OSBPL1A: variants seen among roughly 807,000 people sequenced by gnomAD.
OSBPL1A encodes the protein oxysterol-binding protein-related protein 1.
OSBPL1A carries 80 observed loss-of-function variants against 137.1 expected under a neutral mutation model. The ratio of observed to expected loss-of-function variants is 0.58; its 90% CI spans 0.49 to 0.70. The LOEUF (loss-of-function observed/expected upper bound fraction) is 0.70, where lower values mean the gene tolerates loss of function less well. OSBPL1A is among the 30% of genes least tolerant of loss of function. The pLI is 0.00. For missense variants in OSBPL1A, 970 were observed against 1,129.4 expected (o/e 0.86, Z 2.02); for synonymous variants, 365 against 389.7 (o/e 0.94, Z 0.75).
intron 5 of OSBPL1A, among the ~76,000 whole-genome samples, chr18:24,337,155 A>G (rs114384036): frequency 0.01 from 1,532 of 152,256 alleles, 25 homozygotes; most frequent in African/African-American, 0.035. Context: ...AACCAAAATC[A>G]AGGGCCATTC....
chr18:24,353,924 G>C (rs1203460728), intron 4 of OSBPL1A, among the ~76,000 whole-genome samples: 1 of 120,660 alleles, frequency 8.3e-6, no homozygotes, highest in South Asian at 3.5e-4. Context: ...GTTGTGGGGT[G>C]GGGGGAGGGG....
chr18:24,233,663 C>G (rs1332789142), intron 16 of OSBPL1A, among the ~76,000 whole-genome samples: 2 of 151,930 alleles, frequency 1.3e-5, no homozygotes, highest in Non-Finnish European at 2.9e-5. Context: ...CTCTTTCTTT[C>G]TTTCAGACAG....
chr18:24,310,548 G>A lies in OSBPL1A; in HGVS notation c.1092+1436C>T, dbSNP rs1599648607. Among the ~76,000 whole-genome samples, 6 of 144,562 alleles carry A rather than the reference G, an allele frequency of 4.2e-5. 1 individual carries two copies. In the South Asian group the frequency reaches 1.3e-3, roughly 31 times the overall value. The allele number at this position is 144,562 out of a possible 152,430, so 94.8% of individuals were successfully genotyped here. On this transcript the variant is annotated intron_variant, in intron 13 of 27. Transcript: ENST00000319481. ...ACCCTGGAGGTGGAACTTGCAGTGA[G>A]CCGAGATCGCGCCACTGAACTCCAG... is the stretch of plus-strand genomic sequence containing the variant.
In OSBPL1A at chr18:24,314,109, A is replaced by G. The variant is rs999763059; in HGVS notation, c.969+140T>C. The G allele has an allele frequency of 5.6e-6, 3 of 531,378 alleles. No individual in the cohort carries two copies. In the African/African-American group the frequency reaches 5.8e-5, roughly 10 times the overall value. The allele number at this position is 531,378 out of a possible 1,614,324, so 32.9% of individuals were successfully genotyped here. On this transcript the variant is annotated intron_variant, in intron 12 of 27. Transcript: ENST00000319481. ...TACAGAGTGAGACTCTGTCTCAAAA[A>G]CATAAATAAATAAAAATTTAAAAAA...
At chr18:24,268,074 C>A (rs2089627028) in intron 15 of OSBPL1A, among the ~76,000 whole-genome samples, 1 of 152,132 alleles carries the variant, frequency 6.6e-6, no homozygotes, top group South Asian at 2.1e-4. Flanking sequence ...CCTTTGCATG[C>A]TGCAATCTGG....
At chr18:24,340,678 T>C (rs2091260251) in intron 5 of OSBPL1A, among the ~76,000 whole-genome samples, 1 of 152,128 alleles carries the variant, frequency 6.6e-6, no homozygotes, top group Non-Finnish European at 1.5e-5. Flanking sequence ...TGATGGTACA[T>C]GCCTGTAATC....
chr18:24,339,857 G>A (rs962510864), intron 5 of OSBPL1A, among the ~76,000 whole-genome samples: 19 of 152,320 alleles, frequency 1.2e-4, no homozygotes, highest in African/African-American at 4.1e-4. Flanking sequence ...CTGACCTTAA[G>A]AAGTCTGACA....
At chr18:24,231,858 C>T (rs1364010533) in intron 16 of OSBPL1A, among the ~76,000 whole-genome samples, 9 of 152,232 alleles carry the variant, frequency 5.9e-5, no homozygotes, top group South Asian at 4.1e-4. Context: ...ACAATATAAA[C>T]ATGCCAACAA....
chr18:24,396,474 C>A lies in OSBPL1A; in HGVS notation c.-3+1181G>T, dbSNP rs114486991. Among the ~76,000 whole-genome samples, 1,300 of 152,208 alleles carry A rather than the reference C, an allele frequency of 8.5e-3. 9 individuals are homozygous for A. The highest frequency in any genetic ancestry group is 0.03 in the African/African-American group (1,253 of 41,524). On this transcript the variant is annotated intron_variant, in intron 1 of 27. Transcript: ENST00000319481. ...GCAGTTAACTCCTATTTTGACTATC[C>A]GTTGCTCAATGCTGGAGAAGAGTTA... is the stretch of plus-strand genomic sequence containing the variant.
chr18:24,358,206 A>G (rs1568050915), intron 4 of OSBPL1A: 1 of 488,572 alleles, frequency 2.0e-6, no homozygotes, highest in Non-Finnish European at 3.6e-6. Context: ...TAAGAAGGGC[A>G]TGGTATCCAG....
Position 24,258,149 on chromosome 18 carries a change from G to A in OSBPL1A, c.1282-18767C>T, listed in dbSNP as rs188574593. Among the ~76,000 whole-genome samples, 77 of 152,246 alleles carry A rather than the reference G, an allele frequency of 5.1e-4. 1 individual carries two copies. The highest frequency in any genetic ancestry group is 1.6e-3 in the African/African-American group (68 of 41,552). ...CCCAAAAAAAGGAAAAGCAGTATACGGAAGAGATATCTGCACTCCCATGTT... is the reference window on the plus strand; with the variant it reads ...CCCAAAAAAAGGAAAAGCAGTATACAGAAGAGATATCTGCACTCCCATGTT... On this transcript the variant is annotated intron_variant, in intron 15 of 27. Coordinates refer to ENST00000319481, the MANE Select transcript of OSBPL1A (RefSeq NM_080597.4).
At chr18:24,214,109 G>A (rs1410932892) in intron 17 of OSBPL1A, among the ~76,000 whole-genome samples, 1 of 152,164 alleles carries the variant, frequency 6.6e-6, no homozygotes, top group East Asian at 1.9e-4. Context: ...CTTAACCTAG[G>A]GACAAGGTCA....
In OSBPL1A at chr18:24,178,204, TTAAAA is replaced by T; in HGVS notation, c.1911-14_1911-10del. On this transcript the variant is annotated splice_polypyrimidine_tract_variant and intron_variant, in intron 20 of 27. Transcript: ENST00000319481. ...TAAATCCAAGGTCATCTCTTAAGAT[TTAAAA>T]AAAAAAAAAAAGAAAAAAAAAAGCA... is the stretch of plus-strand genomic sequence containing the variant. The T allele has an allele frequency of 6.8e-7, 1 of 1,470,336 alleles. No homozygotes were observed. The highest frequency in any genetic ancestry group is 1.5e-5 in the African/African-American group (1 of 65,790). The allele number at this position is 1,470,336 out of a possible 1,614,324, so 91.1% of individuals were successfully genotyped here.
chr18:24,300,010 T>C (rs1374092202), intron 14 of OSBPL1A, among the ~76,000 whole-genome samples: 1 of 152,200 alleles, frequency 6.6e-6, no homozygotes, highest in African/African-American at 2.4e-5. Context: ...GAAGAATGGA[T>C]TGATAACATG....
At chr18:24,306,010 A>G (rs888938633) in intron 13 of OSBPL1A, among the ~76,000 whole-genome samples, 14 of 152,218 alleles carry the variant, frequency 9.2e-5, no homozygotes, top group Admixed American at 2.0e-4. Flanking sequence ...TATTAGCAGC[A>G]TGAGAACGAA....
At chr18:24,307,185 A>G (rs1007533172) in intron 13 of OSBPL1A, among the ~76,000 whole-genome samples, 3 of 152,102 alleles carry the variant, frequency 2.0e-5, no homozygotes, top group Non-Finnish European at 4.4e-5. Flanking sequence ...TAAGAAGCTG[A>G]GGCAGGAGGA....
chr18:24,396,075 C>T (rs961044870), intron 1 of OSBPL1A, among the ~76,000 whole-genome samples: 1 of 151,404 alleles, frequency 6.6e-6, no homozygotes, highest in Non-Finnish European at 1.5e-5. Context: ...AAAAATTAGC[C>T]GGGCATGGTG....
chr18:24,375,139 A>T (rs1905997011), intron 2 of OSBPL1A, among the ~76,000 whole-genome samples: 1 of 151,970 alleles, frequency 6.6e-6, no homozygotes, highest in Non-Finnish European at 1.5e-5. Context: ...ACACAGCAAG[A>T]TCCCGTTTCT....
chr18:24,390,694 C>CAAAAA (rs751432894), intron 1 of OSBPL1A, among the ~76,000 whole-genome samples: 2 of 56,210 alleles, frequency 3.6e-5, no homozygotes, highest in Non-Finnish European at 6.8e-5. Context: ...GACTCCGTCT[C>CAAAAA]AAAAAAAAAA....
Sources: allele counts gnomAD v4.1 joint callset (sites outside exome capture counted in the v4.1 genomes callset), GRCh38; gene constraint gnomAD v4.1.1; transcripts MANE v1.5; gene names NCBI Gene and HGNC (gene_info 2026-07-23, HGNC 2026-07-21).